The following BRD4 variants were observed in gnomAD, a reference collection of about 807,000 sequenced individuals.
BRD4 encodes bromodomain-containing protein 4.
In BRD4, 16 loss-of-function variants were observed where a neutral mutation model predicts 142.1. That is an observed-to-expected ratio of 0.11 (90% CI 0.08 to 0.17). The LOEUF is 0.17. Among genes scored for constraint, BRD4 ranks in the 10% least tolerant of loss-of-function variants. The pLI is 1.00. For missense variants in BRD4, 1,424 were observed against 1,810.9 expected, an observed-to-expected ratio of 0.79 and a Z score of 3.88; for synonymous variants, 833 against 707.5, an observed-to-expected ratio of 1.18 and a Z score of -2.82.
At chr19:15,304,664 G>A (rs2047898341) in intron 1 of BRD4, among the ~76,000 whole-genome samples, 1 of 152,152 alleles carries the variant, frequency 6.6e-6, no homozygotes, top group Non-Finnish European at 1.5e-5. Context: ...AGGGAAGAAG[G>A]TTGGACTTAA....
At chr19:15,283,161 G>A (rs908549971) in intron 1 of BRD4, among the ~76,000 whole-genome samples, 10 of 152,012 alleles carry the variant, frequency 6.6e-5, no homozygotes, top group African/African-American at 2.2e-4. Flanking sequence ...AAGGAAATAC[G>A]GGGGACACAC....
At position 15,239,716 on chromosome 19, in the gene BRD4, G is replaced by A. The variant is rs376162076; in HGVS notation, c.3388C>T (p.Arg1130Trp). ...IRSEPFSPSL[R>W]PEPPKHPESI... ...TCCGGGTGCTTGGGGGGCTCCGGCC[G>A]CAGCGAGGGGCTGAAGGGCTCGCTG... Residue 1130 changes from arginine to tryptophan, a missense_variant, in exon 16 of 20, where the codon CGG becomes TGG. Physicochemically the swap from Arg to Trp is moderately radical, Grantham distance 101. Coordinates refer to ENST00000679869, the MANE Select transcript of BRD4 (RefSeq NM_001379291.1). This position sits in a 1 kb window ranked among gnomAD's most constrained non-coding sequence, Gnocchi z 7.4. 1 of 1,598,034 alleles carries A rather than the reference G, an allele frequency of 6.3e-7. No homozygotes were observed.
Position 15,236,137 on chromosome 19 carries a change from G to A in BRD4, c.*2240C>T, listed in dbSNP as rs569671730. 5.9e-5 allele frequency: 9 copies of A among 152,320 alleles called. No homozygotes were observed. The highest frequency in any genetic ancestry group is 2.2e-4 in the African/African-American group (9 of 41,580). The allele number at this position is 152,320 out of a possible 1,614,324, so 9.4% of individuals were successfully genotyped here. On this transcript the variant is annotated 3_prime_UTR_variant, in exon 20 of 20. Coordinates refer to ENST00000679869, the MANE Select transcript of BRD4 (RefSeq NM_001379291.1). ...GTTTGGCAGATCCAAAGACAATAAA[G>A]GACCTTTCAGGTCAAAAAGAGGGGA...
chr19:15,283,758 C>T (rs148034368), intron 1 of BRD4, among the ~76,000 whole-genome samples: 148 of 152,310 alleles, frequency 9.7e-4, no homozygotes, highest in African/African-American at 3.4e-3. Flanking sequence ...GAGTGTATCA[C>T]GCCTCTTAAG....
rs1288676594 is a variant in BRD4 at position 15,258,741 on chromosome 19, C to CT, written c.1342-1569dup. Among the ~76,000 whole-genome samples, 18 of 152,014 alleles carry CT rather than the reference C, an allele frequency of 1.2e-4. No homozygotes were observed. The South Asian group carries it at 3.7e-3, about 32-fold the overall frequency. ...CCTCCTGCCTCAGCCTCCTTGAGAA[C>CT]TGAGACCACCATGCCCAGCTAAATT... On this transcript the variant is annotated intron_variant, in intron 7 of 19. Transcript: ENST00000679869.
At chr19:15,298,121 T>A (rs1056010083) in intron 1 of BRD4, among the ~76,000 whole-genome samples, 2 of 152,202 alleles carry the variant, frequency 1.3e-5, no homozygotes, top group Non-Finnish European at 2.9e-5. Flanking sequence ...CAATGACTCA[T>A]AGCCAAATTT....
At chr19:15,242,018 G>C (rs868332068) in intron 14 of BRD4, among the ~76,000 whole-genome samples, 19 of 152,050 alleles carry the variant, frequency 1.2e-4, no homozygotes, top group African/African-American at 4.3e-4. Context: ...TCACCATCTT[G>C]GTCAGGCTGG....
At chr19:15,314,283 A>G (rs1178670234) in intron 1 of BRD4, among the ~76,000 whole-genome samples, 1 of 152,254 alleles carries the variant, frequency 6.6e-6, no homozygotes, top group Non-Finnish European at 1.5e-5. Context: ...AGCAAATTCC[A>G]AAGAGAAGTG....
intron 1 of BRD4, among the ~76,000 whole-genome samples, chr19:15,324,830 G>A (rs1360249513): frequency 6.6e-6 from 1 of 152,180 alleles, no homozygotes; most frequent in African/African-American, 2.4e-5. Flanking sequence ...TGCCCCCAAA[G>A]CTGCTGCACC....
chr19:15,257,658 C>T (rs1000017825), intron 7 of BRD4, among the ~76,000 whole-genome samples: 1 of 152,162 alleles, frequency 6.6e-6, no homozygotes, highest in Non-Finnish European at 1.5e-5. Context: ...CTGCCACAAG[C>T]GCACCTCCTC....
chr19:15,248,162 C>T (rs952964127), intron 11 of BRD4: 3 of 219,696 alleles, frequency 1.4e-5, no homozygotes, highest in Non-Finnish European at 2.7e-5. Context: ...AGGCAGTTTT[C>T]TGCTGAGATG....
rs201081104 is a variant in BRD4 at position 15,257,113 on chromosome 19, C to G, written c.1402G>C (p.Val468Leu). ...GGAGGGGGCACTGCCGGGGAGGACA[C>G]GGCCACCACTGGCTCCTCAGGCTCG... ...PDEPEEPVVA[V>L]SSPAVPPPTK... The change falls in exon 8 of 20, where the codon GTG becomes CTG. Residue 468 changes from valine (V) to leucine (L), a missense_variant. Physicochemically the swap from Val to Leu is conservative, Grantham distance 32. Around this residue, in one of 16 missense-constraint regions of BRD4, gnomAD observed 90 missense variants for 93.2 expected, o/e 0.97. Coordinates refer to ENST00000679869, the MANE Select transcript of BRD4 (RefSeq NM_001379291.1). 13 of 1,608,886 alleles carry G rather than the reference C, an allele frequency of 8.1e-6. 1 individual carries two copies. In the Admixed American group the frequency reaches 1.2e-4, roughly 14 times the overall value.
intron 1 of BRD4, among the ~76,000 whole-genome samples, chr19:15,290,050 C>T (rs9973298): frequency 0.026 from 3,924 of 152,178 alleles, 128 homozygotes; most frequent in African/African-American, 0.074. Flanking sequence ...ATATGACTGC[C>T]TTAGGCTTAA....
intron 1 of BRD4, among the ~76,000 whole-genome samples, chr19:15,306,544 A>G (rs753195299): frequency 6.6e-6 from 1 of 152,110 alleles, no homozygotes; most frequent in Non-Finnish European, 1.5e-5. Context: ...AAATGCTAGG[A>G]TTACAGGCAT....
At chr19:15,256,923 C>T (rs765602526) in intron 8 of BRD4, 41 bp downstream of exon 8, 24 of 1,502,194 alleles carry the variant, frequency 1.6e-5, no homozygotes, top group South Asian at 1.4e-4. Flanking sequence ...CCCTGGTCCA[C>T]GGACTCTGGG....
At chr19:15,278,184 C>G (rs2145640135) in intron 1 of BRD4, among the ~76,000 whole-genome samples, 1 of 147,928 alleles carries the variant, frequency 6.8e-6, no homozygotes, top group South Asian at 2.2e-4. Flanking sequence ...GACATCCAAC[C>G]TGGTTCTAAG....
intron 7 of BRD4, among the ~76,000 whole-genome samples, chr19:15,262,854 T>TAAAAAAGGAAA (rs2047488563): frequency 6.6e-6 from 1 of 152,208 alleles, no homozygotes; most frequent in Non-Finnish European, 1.5e-5. Flanking sequence ...TTTTTCCTTT[T>TAAAAAAGGAAA]TTAAAAAAAT....
intron 4 of BRD4, among the ~76,000 whole-genome samples, chr19:15,266,572 G>A (rs539643623): frequency 1.3e-5 from 2 of 152,302 alleles, no homozygotes; most frequent in South Asian, 2.1e-4. Context: ...GATAAGGGAT[G>A]TGACTTACAT....
chr19:15,311,488 A>C (rs796428316), intron 1 of BRD4, among the ~76,000 whole-genome samples: 19 of 151,780 alleles, frequency 1.3e-4, no homozygotes, highest in African/African-American at 4.6e-4. Context: ...CAGTAACAAA[A>C]TTCTAAATAC....
Sources: allele counts gnomAD v4.1 joint callset (sites outside exome capture counted in the v4.1 genomes callset), GRCh38; gene constraint gnomAD v4.1.1; regional missense constraint gnomAD v4.1.1; non-coding constraint Gnocchi (gnomAD v3.1); transcripts MANE v1.5; gene names NCBI Gene and HGNC (gene_info 2026-07-23, HGNC 2026-07-21).